Variants in AKAP13 observed in about 807,000 individuals in gnomAD.
AKAP13 encodes the protein A-kinase anchor protein 13.
Under a neutral mutation model 264.5 loss-of-function variants are expected in AKAP13, and 80 were observed. The observed-to-expected ratio is 0.30, with a 90% CI of 0.25 to 0.36. The LOEUF (loss-of-function observed/expected upper bound fraction) is 0.36, where lower values mean the gene tolerates loss of function less well. AKAP13 is among the 10% of genes least tolerant of loss of function. The probability of loss-of-function intolerance (pLI) is 1.00; values close to 1 mark genes in which losing one functional copy is unlikely to be tolerated. For synonymous variants in AKAP13, 1,380 were observed against 1,250.2 expected, an observed-to-expected ratio of 1.10 and a Z score of -2.19; for missense variants, 3,712 against 3,435.2, an observed-to-expected ratio of 1.08 and a Z score of -2.01.
chr15:85,729,461 A>G (rs1051732967), intron 29 of AKAP13, among the ~76,000 whole-genome samples: 6 of 152,136 alleles, frequency 3.9e-5, no homozygotes, highest in Non-Finnish European at 8.8e-5. Flanking sequence ...TGGGCTGGAG[A>G]AAAGATTGGT....
intron 19 of AKAP13, among the ~76,000 whole-genome samples, chr15:85,711,677 C>T (rs1428555595): frequency 2.6e-5 from 4 of 152,196 alleles, no homozygotes. Flanking sequence ...TGATTAATAT[C>T]TTCTTAGCTG....
rs971141632 is a variant in AKAP13 at position 85,708,028 on chromosome 15, C to T, written c.5474C>T (p.Ala1825Val). The change falls in exon 18 of 37, where the codon GCT (alanine) becomes GTT (valine). Residue 1825 changes from alanine to valine, a missense_variant. Around this residue, in one of 3 missense-constraint regions of AKAP13, gnomAD observed 2,759 missense variants for 2,411.7 expected, o/e 1.14. Transcript: ENST00000394518. This position sits in a 1 kb window ranked among gnomAD's most constrained non-coding sequence, Gnocchi z 4.3. ...TTTGCTTTCTTTTCAGATTGCAGTG[C>T]TTTTGTCCACAAAGGCTGCCGAGAA... is the stretch of plus-strand genomic sequence containing the variant. ...KDAYTCANCS[A>V]FVHKGCRESL... is the part of the protein sequence containing the mutation. The T allele has an allele frequency of 1.2e-6, 2 of 1,613,762 alleles. No individual in the cohort carries two copies. The highest frequency in any genetic ancestry group is 2.7e-5 in the African/African-American group (2 of 74,924).
intron 1 of AKAP13, among the ~76,000 whole-genome samples, chr15:85,465,931 G>A (rs1305905311): frequency 2.0e-5 from 3 of 149,084 alleles, no homozygotes; most frequent in Non-Finnish European, 4.5e-5. Flanking sequence ...TCGCCACACT[G>A]ACTTCCACAA....
At chr15:85,461,518 A>G (rs1225760113) in intron 1 of AKAP13, among the ~76,000 whole-genome samples, 2 of 152,212 alleles carry the variant, frequency 1.3e-5, no homozygotes, top group African/African-American at 4.8e-5. Flanking sequence ...TGTTATTTGT[A>G]TCCTGATAAT....
Position 85,581,698 on chromosome 15 carries a change from T to A in AKAP13, c.3630T>A (p.Ala1210=), listed in dbSNP as rs779913151. Residue 1210 remains alanine, a synonymous_variant, in exon 7 of 37, where the codon GCT becomes GCA. Coordinates refer to ENST00000394518, the MANE Select transcript of AKAP13 (RefSeq NM_007200.5). ...ELSAHDDGAP[A]GVREVMRAPP... ...CAGCCCATGATGATGGGGCCCCAGC[T>A]GGTGTGAGGGAAGTCATGCGAGCCC... 3.7e-5 allele frequency: 59 copies of A among 1,613,992 alleles called. 2 individuals carry two copies. The Middle Eastern group carries it at 8.2e-4, about 22-fold the overall frequency.
chr15:85,487,099 C>T (rs75159403), intron 2 of AKAP13, among the ~76,000 whole-genome samples: 2,542 of 152,232 alleles, frequency 0.017, 88 homozygotes, highest in African/African-American at 0.058. Context: ...GTACTGATCC[C>T]TGAAACTATA....
intron 1 of AKAP13, among the ~76,000 whole-genome samples, chr15:85,447,861 A>G (rs2073953134): frequency 1.3e-5 from 2 of 152,180 alleles, no homozygotes; most frequent in African/African-American, 4.8e-5. Context: ...TGGTAGAATG[A>G]TTTATAATCC....
intron 8 of AKAP13, among the ~76,000 whole-genome samples, chr15:85,611,289 A>G (rs1373027715): frequency 6.6e-6 from 1 of 152,164 alleles, no homozygotes; most frequent in East Asian, 1.9e-4. Flanking sequence ...TCAACTGCCT[A>G]CCATGGCTCT....
chr15:85,714,435 A>G (rs528887225), intron 19 of AKAP13, among the ~76,000 whole-genome samples: 1 of 152,330 alleles, frequency 6.6e-6, no homozygotes, highest in East Asian at 1.9e-4. Context: ...GGTGTTAAAC[A>G]AGTGTTAAAT....
chr15:85,584,036 A>G (rs979398737), intron 7 of AKAP13, among the ~76,000 whole-genome samples: 6 of 152,178 alleles, frequency 3.9e-5, no homozygotes, highest in African/African-American at 1.4e-4. Flanking sequence ...TCTTCAGAAA[A>G]TGGCCAGGAT....
chr15:85,438,877 C>G (rs1454033028), intron 1 of AKAP13, among the ~76,000 whole-genome samples: 3 of 148,790 alleles, frequency 2.0e-5, no homozygotes, highest in Non-Finnish European at 1.5e-5. Context: ...AGAAGAAAAC[C>G]TAGGCATTAC....
chr15:85,509,303 T>G (rs2076340976), intron 2 of AKAP13, among the ~76,000 whole-genome samples: 1 of 152,200 alleles, frequency 6.6e-6, no homozygotes, highest in Non-Finnish European at 1.5e-5. Flanking sequence ...CCGAGTAGCA[T>G]GTTGCATTTA....
chr15:85,706,021 A>C (rs963652955), intron 17 of AKAP13, among the ~76,000 whole-genome samples: 14 of 152,230 alleles, frequency 9.2e-5, no homozygotes, highest in African/African-American at 3.4e-4. Context: ...TCTACTAATC[A>C]TTGACTTTGC....
At chr15:85,405,518 A>G (rs1222362785) in intron 1 of AKAP13, among the ~76,000 whole-genome samples, 1 of 152,182 alleles carries the variant, frequency 6.6e-6, no homozygotes, top group Non-Finnish European at 1.5e-5. Context: ...AGGAAACTTT[A>G]TTTATTTATT....
At chr15:85,661,199 A>C (rs1051369630) in intron 12 of AKAP13, among the ~76,000 whole-genome samples, 1 of 152,116 alleles carries the variant, frequency 6.6e-6, no homozygotes, top group African/African-American at 2.4e-5. Flanking sequence ...CCTTTATAGA[A>C]CACACAATAT....
At chr15:85,601,557 A>G (rs537155438) in intron 8 of AKAP13, among the ~76,000 whole-genome samples, 84 of 150,784 alleles carry the variant, frequency 5.6e-4, no homozygotes, top group African/African-American at 7.8e-4. Flanking sequence ...TTATCACATT[A>G]AACTGCCAAT....
At chr15:85,663,414 T>G (rs1334262415) in intron 12 of AKAP13, among the ~76,000 whole-genome samples, 1 of 152,206 alleles carries the variant, frequency 6.6e-6, no homozygotes, top group Admixed American at 6.5e-5. Flanking sequence ...TATCCATTGT[T>G]TAGTTTACCT....
At chr15:85,555,383 C>T (rs2078107301) in intron 5 of AKAP13, 1 of 1,267,678 alleles carries the variant, frequency 7.9e-7, no homozygotes, top group African/African-American at 1.5e-5. Context: ...CGAAACACGC[C>T]TTTAGGAGGG....
At chr15:85,557,762 C>A (rs1344682176) in intron 5 of AKAP13, among the ~76,000 whole-genome samples, 1 of 152,100 alleles carries the variant, frequency 6.6e-6, no homozygotes, top group African/African-American at 2.4e-5. Context: ...GGCATGAGCC[C>A]CCATGCCCAC....
Sources: gnomAD v4.1 joint callset for allele counts (sites outside exome capture counted in the v4.1 genomes callset) on GRCh38, gnomAD v4.1.1 for gene constraint, gnomAD v4.1.1 regional missense constraint, Gnocchi (gnomAD v3.1) non-coding constraint, MANE v1.5 for transcripts, NCBI Gene and HGNC (gene_info 2026-07-23, HGNC 2026-07-21) for gene names.